KIAA0825: variants seen among roughly 807,000 people sequenced by gnomAD.
The protein encoded by KIAA0825 is KIAA0825.
Under a neutral mutation model 147.6 loss-of-function variants are expected in KIAA0825, and 119 were observed. That is an observed-to-expected ratio of 0.81 (90% CI 0.69 to 0.94). KIAA0825 has a LOEUF of 0.94. Ranked by LOEUF, KIAA0825 falls within the 40% of genes least tolerant of loss-of-function variation. The pLI is 0.00. For missense variants in KIAA0825, 1,381 were observed against 1,472.7 expected (o/e 0.94, Z 1.02); for synonymous variants, 470 against 518.1 (o/e 0.91, Z 1.26).
At chr5:94,228,732 C>T (rs774983560) in intron 20 of KIAA0825, among the ~76,000 whole-genome samples, 2 of 152,322 alleles carry the variant, frequency 1.3e-5, no homozygotes, top group Non-Finnish European at 2.9e-5. Flanking sequence ...GCCACAGTAA[C>T]CATCCATGAG....
intron 20 of KIAA0825, among the ~76,000 whole-genome samples, chr5:94,155,420 A>G (rs1482543954): frequency 2.0e-5 from 3 of 150,984 alleles, no homozygotes; most frequent in South Asian, 2.1e-4. Flanking sequence ...GGTCTCCCCT[A>G]TGTTGCCCAG....
At chr5:94,512,020 A>G (rs1766556631) in intron 5 of KIAA0825, among the ~76,000 whole-genome samples, 1 of 152,030 alleles carries the variant, frequency 6.6e-6, no homozygotes, top group Non-Finnish European at 1.5e-5. Flanking sequence ...AAAATAAAAA[A>G]TATTTGACTT....
intron 13 of KIAA0825, among the ~76,000 whole-genome samples, chr5:94,449,812 G>A (rs1758173079): frequency 6.6e-6 from 1 of 152,058 alleles, no homozygotes; most frequent in African/African-American, 2.4e-5. Flanking sequence ...GGCACAGTGG[G>A]TCATGCCTGC....
At chr5:94,606,615 C>T (rs1032951017) in intron 1 of KIAA0825, among the ~76,000 whole-genome samples, 1 of 152,052 alleles carries the variant, frequency 6.6e-6, no homozygotes, top group Non-Finnish European at 1.5e-5. Flanking sequence ...CGCATATCTA[C>T]AACTATGTGA....
chr5:94,602,610 T>A (rs1351070320), intron 1 of KIAA0825, among the ~76,000 whole-genome samples: 1 of 152,178 alleles, frequency 6.6e-6, no homozygotes, highest in Non-Finnish European at 1.5e-5. Context: ...TCACAAGATC[T>A]GATGGTTTTA....
At chr5:94,544,127 C>A (rs1474237363) in intron 2 of KIAA0825, among the ~76,000 whole-genome samples, 2 of 152,174 alleles carry the variant, frequency 1.3e-5, no homozygotes, top group Non-Finnish European at 2.9e-5. Flanking sequence ...TGGATAGGGA[C>A]CTCTTTCCTG....
intron 20 of KIAA0825, among the ~76,000 whole-genome samples, chr5:94,294,273 T>C (rs1188392345): frequency 6.6e-6 from 1 of 152,254 alleles, no homozygotes; most frequent in East Asian, 1.9e-4. Context: ...ATACTGGTTT[T>C]TCCTTTCCAT....
intron 20 of KIAA0825, among the ~76,000 whole-genome samples, chr5:94,336,873 C>T (rs1043133336): frequency 6.6e-6 from 1 of 152,088 alleles, no homozygotes; most frequent in Non-Finnish European, 1.5e-5. Flanking sequence ...TTTACACTCC[C>T]ACCAACAGAG....
chr5:94,332,549 T>G (rs970928430), intron 20 of KIAA0825, among the ~76,000 whole-genome samples: 2 of 152,200 alleles, frequency 1.3e-5, no homozygotes, highest in Non-Finnish European at 2.9e-5. Context: ...TGCAAAGACA[T>G]TAACTCATTC....
chr5:94,348,695 A>G lies in KIAA0825; in HGVS notation c.3710+35673T>C, dbSNP rs1432813202. Among the ~76,000 whole-genome samples, 4 of 152,146 alleles carry G rather than the reference A, an allele frequency of 2.6e-5. No individual in the cohort carries two copies. The East Asian group carries it at 7.7e-4, about 29-fold the overall frequency. On this transcript the variant is annotated intron_variant, in intron 20 of 20. Transcript: ENST00000682413. Reference sequence around the variant, plus strand: ...CTATATCAAACAAAACAAACTTTAAAGCAGCAGGAGTTAAAGCACTTTTTC... The same window carrying G: ...CTATATCAAACAAAACAAACTTTAAGGCAGCAGGAGTTAAAGCACTTTTTC...
rs1482632014 is a variant in KIAA0825 at position 94,529,422 on chromosome 5, C to CATATGTATATATCAT, written c.132-5339_132-5325dup. On this transcript the variant is annotated intron_variant, in intron 3 of 20. Transcript: ENST00000682413. Reference sequence around the variant, plus strand: ...ATGTATATCTCATATATGTATATATCATATGTATATATCATATATGTATAT... The same window carrying CATATGTATATATCAT: ...ATGTATATCTCATATATGTATATATCATATGTATATATCATATATGTATATATCATATATGTATAT... Among the ~76,000 whole-genome samples the CATATGTATATATCAT allele has an allele frequency of 2.1e-5, 3 of 144,764 alleles. No homozygotes were observed. The Admixed American group carries it at 2.1e-4, about 10-fold the overall frequency. The allele number at this position is 144,764 out of a possible 152,430, so 95.0% of individuals were successfully genotyped here. A position where few individuals can be genotyped will look rare whatever the true frequency, so the allele number is the denominator to read the frequency against.
chr5:94,435,125 CT>C (rs1330395717), intron 14 of KIAA0825, among the ~76,000 whole-genome samples: 3 of 148,034 alleles, frequency 2.0e-5, no homozygotes, highest in Non-Finnish European at 3.0e-5. Flanking sequence ...ATTTTTTTTT[CT>C]TTTTTTTTAA....
chr5:94,286,337 C>T (rs1438204294), intron 20 of KIAA0825, among the ~76,000 whole-genome samples: 1 of 152,046 alleles, frequency 6.6e-6, no homozygotes, highest in Non-Finnish European at 1.5e-5. Context: ...GCCACTCCCA[C>T]CTCCTATTCA....
At chr5:94,391,499 A>C (rs1289128507) in intron 18 of KIAA0825, 36 bp downstream of exon 18, 3 of 1,550,784 alleles carry the variant, frequency 1.9e-6, no homozygotes, top group Non-Finnish European at 2.6e-6. Context: ...AGGCCAGTAC[A>C]CACCTAATTG....
chr5:94,379,279 T>C (rs1748033393), intron 20 of KIAA0825, among the ~76,000 whole-genome samples: 1 of 152,268 alleles, frequency 6.6e-6, no homozygotes, highest in Non-Finnish European at 1.5e-5. Context: ...TTGATTTTTG[T>C]ATATGGTGTA....
chr5:94,617,793 C>G (rs1480029809), intron 1 of KIAA0825: 6 of 152,198 alleles, frequency 3.9e-5, no homozygotes, highest in African/African-American at 1.2e-4. Flanking sequence ...ACTATTCTGG[C>G]TACCTCAGAC....
intron 20 of KIAA0825, among the ~76,000 whole-genome samples, chr5:94,296,027 C>G (rs1437878178): frequency 6.6e-6 from 1 of 152,134 alleles, no homozygotes; most frequent in East Asian, 1.9e-4. Context: ...CGCCCAAAGC[C>G]TCTGCTTCAG....
At chr5:94,291,253 A>T (rs1432043867) in intron 20 of KIAA0825, among the ~76,000 whole-genome samples, 1 of 152,176 alleles carries the variant, frequency 6.6e-6, no homozygotes, top group Non-Finnish European at 1.5e-5. Flanking sequence ...TAGGTCTTCC[A>T]TTTAAATCTT....
At chr5:94,160,532 T>C (rs1277301186) in intron 20 of KIAA0825, among the ~76,000 whole-genome samples, 1 of 148,624 alleles carries the variant, frequency 6.7e-6, no homozygotes, top group Admixed American at 6.8e-5. Context: ...GTATATATAA[T>C]ATACATACAT....
Sources: allele counts gnomAD v4.1 joint callset (sites outside exome capture counted in the v4.1 genomes callset), GRCh38; gene constraint gnomAD v4.1.1; transcripts MANE v1.5; gene names NCBI Gene and HGNC (gene_info 2026-07-23, HGNC 2026-07-21).